The following FOXK1 variants were observed in gnomAD, a reference collection of about 807,000 sequenced individuals.
FOXK1 encodes the protein forkhead box protein K1.
Under a neutral mutation model 51.9 loss-of-function variants are expected in FOXK1, and 19 were observed. The ratio of observed to expected loss-of-function variants is 0.37; its 90% CI spans 0.26 to 0.54. FOXK1 has a LOEUF of 0.54. Among genes scored for constraint, FOXK1 ranks in the 20% least tolerant of loss-of-function variants. The probability of loss-of-function intolerance (pLI) is 0.87; values close to 1 mark genes in which losing one functional copy is unlikely to be tolerated. For missense variants in FOXK1, 870 were observed against 1,032.7 expected (o/e 0.84, Z 2.16); for synonymous variants, 537 against 482.6 (o/e 1.11, Z -1.48).
At chr7:4,702,366 A>G (rs892915141) in intron 1 of FOXK1, among the ~76,000 whole-genome samples, 2 of 151,956 alleles carry the variant, frequency 1.3e-5, no homozygotes, top group African/African-American at 4.8e-5. Context: ...TTTTTGAGAT[A>G]GAGTCTCACT....
intron 1 of FOXK1, among the ~76,000 whole-genome samples, chr7:4,692,968 G>GCCTTAAGTCATCCTCTGCTATAATAT (rs778398386): frequency 3.3e-5 from 5 of 151,694 alleles, no homozygotes; most frequent in African/African-American, 1.2e-4. Flanking sequence ...CAAACTCCTG[G>GCCTTAAGTCATCCTCTGCTATAATAT]CCTTAAGTCA....
intron 1 of FOXK1, among the ~76,000 whole-genome samples, chr7:4,713,555 G>C (rs1055695418): frequency 6.7e-6 from 1 of 149,914 alleles, no homozygotes. Context: ...GCAGTGGCGC[G>C]ATCTCGGCTC....
chr7:4,742,868 T>G (rs563782710), intron 2 of FOXK1, among the ~76,000 whole-genome samples: 3 of 152,230 alleles, frequency 2.0e-5, no homozygotes, highest in Admixed American at 6.5e-5. Context: ...CATCTCCATT[T>G]GAGTTGCTTG....
Position 4,729,416 on chromosome 7 carries a change from C to T in FOXK1, c.561-11422C>T, listed in dbSNP as rs1036357438. Among the ~76,000 whole-genome samples, 2 of 152,204 alleles carry T rather than the reference C, an allele frequency of 1.3e-5. No individual in the cohort carries two copies. The highest frequency in any genetic ancestry group is 2.9e-5 in the Non-Finnish European group (2 of 68,038). On this transcript the variant is annotated intron_variant, in intron 1 of 8. Coordinates refer to ENST00000328914, the MANE Select transcript of FOXK1 (RefSeq NM_001037165.2). This position sits in a 1 kb window ranked among gnomAD's most constrained non-coding sequence, Gnocchi z 6.2. ...CCCCATGTTGGGATTGGGAAGCAGT[C>T]ACCTACCAGATGAGCGTTCCTTCCG...
rs1780930572 is a variant in FOXK1 at position 4,761,350 on chromosome 7, G to T, written c.1921+62G>T. On this transcript the variant is annotated intron_variant, in intron 8 of 8. Coordinates refer to ENST00000328914, the MANE Select transcript of FOXK1 (RefSeq NM_001037165.2). This position sits in a 1 kb window ranked among gnomAD's most constrained non-coding sequence, Gnocchi z 6.2. ...AGCTCTGTGGCTCCCAGTAGTCAGT[G>T]CGGCATGAGAATGTTCTCCCAGTAT... is the stretch of plus-strand genomic sequence containing the variant. 6.7e-7 allele frequency: 1 copy of T among 1,491,388 alleles called. No homozygotes were observed. The highest frequency in any genetic ancestry group is 9.1e-7 in the Non-Finnish European group (1 of 1,093,378). The allele number at this position is 1,491,388 out of a possible 1,614,324, so 92.4% of individuals were successfully genotyped here. A position where few individuals can be genotyped will look rare whatever the true frequency, so the allele number is the denominator to read the frequency against.
In FOXK1 at chr7:4,743,288, C is replaced by T. The variant is rs971970430; in HGVS notation, c.746+2265C>T. On this transcript the variant is annotated intron_variant, in intron 2 of 8. Transcript: ENST00000328914. The surrounding 1 kb of genome is among the most constrained non-coding windows in gnomAD (Gnocchi z 5.3). ...AGTGAACTGGCCGGGCGCGGTGGCT[C>T]ACACTGGTAATGCCAGCACTGTGGG... 6.6e-6 allele frequency among the ~76,000 whole-genome samples: 1 copy of T among 152,214 alleles called. No individual in the cohort carries two copies. Among genetic ancestry groups the T allele is most frequent in the African/African-American group, 2.4e-5 (1 of 41,456 alleles).
intron 1 of FOXK1, among the ~76,000 whole-genome samples, chr7:4,719,001 G>C: frequency 6.6e-6 from 1 of 152,094 alleles, no homozygotes; most frequent in Non-Finnish European, 1.5e-5. Flanking sequence ...TAGAGACGGG[G>C]TTGCACCATG....
In FOXK1 at chr7:4,753,126, C is replaced by T. The variant is rs959128643; in HGVS notation, c.747-1333C>T. ...GGGAATTCCAGATCAGAGTCCTTAA[C>T]GTTCCATGTGGGTGACACTGAGTCC... On this transcript the variant is annotated intron_variant, in intron 2 of 8. Transcript: ENST00000328914. This position sits in a 1 kb window ranked among gnomAD's most constrained non-coding sequence, Gnocchi z 4.9. Among the ~76,000 whole-genome samples, 6 of 152,330 alleles carry T rather than the reference C, an allele frequency of 3.9e-5. No homozygotes were observed. The highest frequency in any genetic ancestry group is 3.9e-4 in the East Asian group (2 of 5,188).
intron 1 of FOXK1, among the ~76,000 whole-genome samples, chr7:4,698,330 A>C (rs912665781): frequency 4.0e-5 from 6 of 151,738 alleles, no homozygotes; most frequent in Non-Finnish European, 8.8e-5. Context: ...ATATATATAT[A>C]TCGTGCCCTT....
At chr7:4,692,040 A>C (rs1375823572) in intron 1 of FOXK1, among the ~76,000 whole-genome samples, 1 of 152,172 alleles carries the variant, frequency 6.6e-6, no homozygotes, top group Non-Finnish European at 1.5e-5. Flanking sequence ...ATATCTGTTG[A>C]CACTGACCGT....
In FOXK1 at chr7:4,753,131, C is replaced by T. The variant is rs748973; in HGVS notation, c.747-1328C>T. ...TTCCAGATCAGAGTCCTTAACGTTC[C>T]ATGTGGGTGACACTGAGTCCTTCCT... On this transcript the variant is annotated intron_variant, in intron 2 of 8. Coordinates refer to ENST00000328914, the MANE Select transcript of FOXK1 (RefSeq NM_001037165.2). The surrounding 1 kb of genome is among the most constrained non-coding windows in gnomAD (Gnocchi z 4.9). 0.027 allele frequency among the ~76,000 whole-genome samples: 4,186 copies of T among 152,244 alleles called. 187 individuals carry two copies. The highest frequency in any genetic ancestry group is 0.086 in the African/African-American group (3,579 of 41,514).
rs909928037 is a variant in FOXK1 at position 4,683,352 on chromosome 7, C to G, written c.560+484C>G. ...GGGGTCATTCTGAACTCCCACTGGC[C>G]TGGATCCCTGGGGTCATCTACGTCC... On this transcript the variant is annotated intron_variant, in intron 1 of 8. Coordinates refer to ENST00000328914, the MANE Select transcript of FOXK1 (RefSeq NM_001037165.2). This position sits in a 1 kb window ranked among gnomAD's most constrained non-coding sequence, Gnocchi z 4.5. Among the ~76,000 whole-genome samples the G allele has an allele frequency of 3.3e-5, 5 of 152,046 alleles. No individual in the cohort carries two copies. Among genetic ancestry groups the G allele is most frequent in the Admixed American group, 3.3e-4 (5 of 15,260 alleles).
rs1201743461 is a variant in FOXK1 at position 4,682,958 on chromosome 7, C to G, written c.560+90C>G. The G allele has an allele frequency of 7.7e-7, 1 of 1,295,624 alleles. No homozygotes were observed. 80.3% of individuals were successfully genotyped at this position (1,295,624 alleles called of 1,614,324 possible). ...CCCGGGCCTGGGGATCCCCCTCCAG[C>G]TTCCTCGGCCTCGACCCCCACCCCC... On this transcript the variant is annotated intron_variant, in intron 1 of 8. Coordinates refer to ENST00000328914, the MANE Select transcript of FOXK1 (RefSeq NM_001037165.2). The surrounding 1 kb of genome is among the most constrained non-coding windows in gnomAD (Gnocchi z 7.6).
chr7:4,739,416 T>C (rs10274238), intron 1 of FOXK1, among the ~76,000 whole-genome samples: 227 of 151,884 alleles, frequency 1.5e-3, no homozygotes, highest in African/African-American at 5.2e-3. Context: ...GTTTTTGTTT[T>C]TGTTTTGTTT....
In FOXK1 at chr7:4,761,788, A is replaced by G. The variant is rs904486584; in HGVS notation, c.1922-396A>G. Among the ~76,000 whole-genome samples the G allele has an allele frequency of 5.9e-5, 9 of 152,150 alleles. No individual in the cohort carries two copies. The highest frequency in any genetic ancestry group is 1.9e-4 in the African/African-American group (8 of 41,430). Reference sequence around the variant, plus strand: ...AGCTCACACTCCATGGGGTGAGGCAAGAGGTCAAAGGAAGGAGGAGAGTTG... The same window carrying G: ...AGCTCACACTCCATGGGGTGAGGCAGGAGGTCAAAGGAAGGAGGAGAGTTG... On this transcript the variant is annotated intron_variant, in intron 8 of 8. Coordinates refer to ENST00000328914, the MANE Select transcript of FOXK1 (RefSeq NM_001037165.2). This position sits in a 1 kb window ranked among gnomAD's most constrained non-coding sequence, Gnocchi z 6.2.
chr7:4,721,435 C>T (rs1780309206), intron 1 of FOXK1, among the ~76,000 whole-genome samples: 1 of 152,136 alleles, frequency 6.6e-6, no homozygotes, highest in African/African-American at 2.4e-5. Flanking sequence ...AGTAAAATGC[C>T]TTGAATTCTA....
chr7:4,734,609 C>G lies in FOXK1; in HGVS notation c.561-6229C>G, dbSNP rs578097719. Among the ~76,000 whole-genome samples the G allele has an allele frequency of 2.0e-5, 3 of 152,320 alleles. No homozygotes were observed. Among genetic ancestry groups the G allele is most frequent in the East Asian group, 1.9e-4 (1 of 5,180 alleles). Reference sequence around the variant, plus strand: ...TGCGTGGGCATCGGTGCACGGGGCTCCCTCCCTGGGGCTTCATGGGGGGCT... The same window carrying G: ...TGCGTGGGCATCGGTGCACGGGGCTGCCTCCCTGGGGCTTCATGGGGGGCT... On this transcript the variant is annotated intron_variant, in intron 1 of 8. Transcript: ENST00000328914. The surrounding 1 kb of genome is among the most constrained non-coding windows in gnomAD (Gnocchi z 5.2).
chr7:4,704,493 C>A (rs1189204220), intron 1 of FOXK1, among the ~76,000 whole-genome samples: 2 of 148,842 alleles, frequency 1.3e-5, no homozygotes, highest in East Asian at 2.0e-4. Flanking sequence ...ACATTCCTTT[C>A]ATCAAAACAC....
rs1430294692 is a variant in FOXK1, at chr7:4,711,944, G to T, written c.561-28894G>T. 2.0e-5 allele frequency among the ~76,000 whole-genome samples: 3 copies of T among 152,194 alleles called. No homozygotes were observed. Among genetic ancestry groups the T allele is most frequent in the Non-Finnish European group, 4.4e-5 (3 of 68,038 alleles). On this transcript the variant is annotated intron_variant, in intron 1 of 8. Coordinates refer to ENST00000328914, the MANE Select transcript of FOXK1 (RefSeq NM_001037165.2). This position sits in a 1 kb window ranked among gnomAD's most constrained non-coding sequence, Gnocchi z 6.3. ...ATGGGGCAGGGACTCCGGGGGAGGG[G>T]CAGAGGGCAGGTGCCGCCGAGCAGG...
Sources: allele counts gnomAD v4.1 joint callset (sites outside exome capture counted in the v4.1 genomes callset), GRCh38; gene constraint gnomAD v4.1.1; non-coding constraint Gnocchi (gnomAD v3.1); transcripts MANE v1.5; gene names NCBI Gene and HGNC (gene_info 2026-07-23, HGNC 2026-07-21).